ANKRD16: variants seen among roughly 807,000 people sequenced by gnomAD.
ANKRD16 encodes ankyrin repeat domain-containing protein 16.
ANKRD16 carries 35 observed loss-of-function variants against 37.9 expected under a neutral mutation model. That is an observed-to-expected ratio of 0.92 (90% confidence interval 0.71 to 1.23). The LOEUF (loss-of-function observed/expected upper bound fraction) is 1.23, where lower values mean the gene tolerates loss of function less well. Ranked by LOEUF, ANKRD16 falls within the 50% of genes most tolerant of loss-of-function variation. The pLI is 0.00. For missense variants in ANKRD16, 480 were observed against 469.9 expected (o/e 1.02, Z -0.20); for synonymous variants, 206 against 197.2 (o/e 1.04, Z -0.37).
At chr10:5,883,417 G>A (rs142144492) in intron 4 of ANKRD16, among the ~76,000 whole-genome samples, 1,523 of 152,230 alleles carry the variant, frequency 0.01, 14 homozygotes, top group Middle Eastern at 0.031. Flanking sequence ...TGGTTCAAGC[G>A]AGTCTCTTGC....
intron 5 of ANKRD16, 111 bp downstream of exon 5, chr10:5,882,895 G>T: frequency 2.6e-6 from 3 of 1,166,648 alleles, no homozygotes; most frequent in Non-Finnish European, 3.6e-6. Context: ...AATATCATGG[G>T]CAATTTCTTC....
chr10:5,885,483 G>C (rs764687436), intron 3 of ANKRD16, among the ~76,000 whole-genome samples: 2 of 152,132 alleles, frequency 1.3e-5, no homozygotes, highest in African/African-American at 2.4e-5. Context: ...AGCACTAAAT[G>C]AATGTATAAA....
At chr10:5,882,945 T>G in intron 5 of ANKRD16, 61 bp downstream of exon 5, 2 of 1,566,072 alleles carry the variant, frequency 1.3e-6, no homozygotes, top group Non-Finnish European at 1.7e-6. Context: ...GCAGAGCTAC[T>G]GATCAAAGAA....
In ANKRD16 at chr10:5,866,362, T is replaced by C. The variant is rs1842014182; in HGVS notation, c.*34-3671A>G. On this transcript the variant is annotated intron_variant, in intron 7 of 7. Coordinates refer to ENST00000380094, the MANE Select transcript of ANKRD16 (RefSeq NM_019046.3). This position sits in a 1 kb window ranked among gnomAD's most constrained non-coding sequence, Gnocchi z 4.3. The stretch of plus-strand genomic sequence containing the variant: ...CTATATACTGATGAAAGTTCATTTG[T>C]GGTGGAGAATTGGATACGAAGGGCA... Among the ~76,000 whole-genome samples, 1 of 152,196 alleles carries C rather than the reference T, an allele frequency of 6.6e-6. No homozygotes were observed. The highest frequency in any genetic ancestry group is 1.5e-5 in the Non-Finnish European group (1 of 68,040).
intron 7 of ANKRD16, among the ~76,000 whole-genome samples, chr10:5,872,687 G>A (rs1008607102): frequency 2.7e-5 from 4 of 150,434 alleles, no homozygotes; most frequent in South Asian, 2.1e-4. Flanking sequence ...CTCTCGAGTA[G>A]CTAGGACTAC....
rs573323232 is a variant in ANKRD16, at chr10:5,871,316, G to A, written c.*33+6781C>T. 2.0e-5 allele frequency among the ~76,000 whole-genome samples: 3 copies of A among 152,202 alleles called. No individual in the cohort carries two copies. The highest frequency in any genetic ancestry group is 7.2e-5 in the African/African-American group (3 of 41,524). On this transcript the variant is annotated intron_variant, in intron 7 of 7. Coordinates refer to ENST00000380094, the MANE Select transcript of ANKRD16 (RefSeq NM_019046.3). This position sits in a 1 kb window ranked among gnomAD's most constrained non-coding sequence, Gnocchi z 4.5. ...GCAGGAGAATCGCTTGAACCCGGGA[G>A]GCAGAGGTTGCTGTGAGCCGAGATT...
At position 5,862,493 on chromosome 10, in the gene ANKRD16, C is replaced by T. The variant is rs777712084; in HGVS notation, c.*232G>A. ...CAGCAACCATTTTTGGAGACAGACC[C>T]AGGGAGCTGACCTTGGGGGCCAGTG... On this transcript the variant is annotated 3_prime_UTR_variant, in exon 8 of 8. Coordinates refer to ENST00000380094, the MANE Select transcript of ANKRD16 (RefSeq NM_019046.3). This position sits in a 1 kb window ranked among gnomAD's most constrained non-coding sequence, Gnocchi z 6.5. The T allele has an allele frequency of 1.6e-5, 12 of 735,192 alleles. No homozygotes were observed. Among genetic ancestry groups the T allele is most frequent in the Admixed American group, 5.0e-5 (2 of 39,664 alleles). The allele number at this position is 735,192 out of a possible 1,614,324, so 45.5% of individuals were successfully genotyped here.
rs188525575 is a variant in ANKRD16, at chr10:5,867,075, T to A, written c.*34-4384A>T. ...AAAGCCAGGGTAAATTTAAAACCTATAATTGATAATTGAAGGTCTTCTCTG... is the reference window on the plus strand; with the variant it reads ...AAAGCCAGGGTAAATTTAAAACCTAAAATTGATAATTGAAGGTCTTCTCTG... On this transcript the variant is annotated intron_variant, in intron 7 of 7. Coordinates refer to ENST00000380094, the MANE Select transcript of ANKRD16 (RefSeq NM_019046.3). Among the ~76,000 whole-genome samples, 769 of 152,354 alleles carry A rather than the reference T, an allele frequency of 5.0e-3. 8 individuals carry two copies. Among genetic ancestry groups the A allele is most frequent in the African/African-American group, 0.018 (746 of 41,578 alleles).
chr10:5,872,768 A>C (rs10466293), intron 7 of ANKRD16, among the ~76,000 whole-genome samples: 54 of 151,420 alleles, frequency 3.6e-4, no homozygotes, highest in East Asian at 1.6e-3. Flanking sequence ...GTGTTAGCCA[A>C]GATGGTCTTA....
intron 5 of ANKRD16, among the ~76,000 whole-genome samples, chr10:5,881,517 TGCAGTG>T (rs1489183930): frequency 7.0e-6 from 1 of 141,940 alleles, no homozygotes; most frequent in Non-Finnish European, 1.5e-5. Flanking sequence ...TTGGCTGGGG[TGCAGTG>T]GCATGATCTT....
rs1842042475 is a variant in ANKRD16 at position 5,868,192 on chromosome 10, G to A, written c.*34-5501C>T. On this transcript the variant is annotated intron_variant, in intron 7 of 7. Coordinates refer to ENST00000380094, the MANE Select transcript of ANKRD16 (RefSeq NM_019046.3). The surrounding 1 kb of genome is among the most constrained non-coding windows in gnomAD (Gnocchi z 4.9). ...CTAGGATCGAGGCCATCAAGCTACA[G>A]ATGGTCTTACAAATGGAACCCCAAA... 6.6e-6 allele frequency among the ~76,000 whole-genome samples: 1 copy of A among 152,174 alleles called. No homozygotes were observed. The highest frequency in any genetic ancestry group is 1.5e-5 in the Non-Finnish European group (1 of 68,038).
At chr10:5,886,735 C>G (rs895625357) in intron 2 of ANKRD16, among the ~76,000 whole-genome samples, 5 of 152,224 alleles carry the variant, frequency 3.3e-5, no homozygotes, top group Non-Finnish European at 7.3e-5. Context: ...GACTCTTGAG[C>G]TCCTTAATAT....
intron 1 of ANKRD16, 50 bp from the exon 2 acceptor site, chr10:5,888,117 A>C: frequency 6.5e-7 from 1 of 1,545,632 alleles, no homozygotes; most frequent in East Asian, 2.3e-5. Context: ...GAGACATTAG[A>C]AGCCAGGGGC....
At chr10:5,875,316 T>C (rs1005020673) in intron 7 of ANKRD16, among the ~76,000 whole-genome samples, 2 of 152,202 alleles carry the variant, frequency 1.3e-5, no homozygotes, top group African/African-American at 4.8e-5. Flanking sequence ...AGGGCTTTTA[T>C]CGCCCATTCA....
chr10:5,870,285 T>C lies in ANKRD16; in HGVS notation c.*34-7594A>G, dbSNP rs1207395494. 1.3e-5 allele frequency among the ~76,000 whole-genome samples: 2 copies of C among 151,968 alleles called. No homozygotes were observed. The highest frequency in any genetic ancestry group is 3.9e-4 in the East Asian group (2 of 5,170). ...GGAGGCCCCCAGTGCACCTGCGCAGTGAGGTCAGCTTCGCAGGGGCCCCCA... is the reference window on the plus strand; with the variant it reads ...GGAGGCCCCCAGTGCACCTGCGCAGCGAGGTCAGCTTCGCAGGGGCCCCCA... On this transcript the variant is annotated intron_variant, in intron 7 of 7. Coordinates refer to ENST00000380094, the MANE Select transcript of ANKRD16 (RefSeq NM_019046.3). This position sits in a 1 kb window ranked among gnomAD's most constrained non-coding sequence, Gnocchi z 5.0.
rs1446923075 is a variant in ANKRD16 at position 5,883,116 on chromosome 10, C to T, written c.739G>A (p.Ala247Thr). 1 of 1,613,954 alleles carries T rather than the reference C, an allele frequency of 6.2e-7. No homozygotes were observed. The highest frequency in any genetic ancestry group is 2.2e-5 in the East Asian group (1 of 44,894). Residue 247 changes from alanine (A) to threonine (T), a missense_variant, in exon 5 of 8, where the codon GCT becomes ACT. Physicochemically the swap from Ala to Thr is moderately conservative, Grantham distance 58 (BLOSUM62 0). Transcript: ENST00000380094. The stretch of plus-strand genomic sequence containing the variant: ...ATGGCTTCGTCCTGCCCTGTGACAG[C>T]TGCCCTGTGCAGAGCCTGGGCACCC... ...SLGAQALHRA[A>T]VTGQDEAIRF... is the part of the protein sequence containing the mutation.
At position 5,879,307 on chromosome 10, in the gene ANKRD16, C is replaced by G. The variant is rs150151055; in HGVS notation, c.928+991G>C. ...TGGCCAACATGGTGAAACCCTGTCT[C>G]TACTAAAAATACAAAAATTAGCTGG... On this transcript the variant is annotated intron_variant, in intron 6 of 7. Coordinates refer to ENST00000380094, the MANE Select transcript of ANKRD16 (RefSeq NM_019046.3). Among the ~76,000 whole-genome samples the G allele has an allele frequency of 4.1e-3, 617 of 152,148 alleles. 6 individuals carry two copies. The highest frequency in any genetic ancestry group is 0.014 in the African/African-American group (588 of 41,496).
intron 2 of ANKRD16, among the ~76,000 whole-genome samples, chr10:5,886,780 C>T (rs543799384): frequency 1.4e-4 from 22 of 152,280 alleles, no homozygotes; most frequent in African/African-American, 5.3e-4. Flanking sequence ...TTACTTTTTA[C>T]TAATTGTTTT....
chr10:5,879,137 T>C (rs1842238530), intron 6 of ANKRD16, among the ~76,000 whole-genome samples: 1 of 152,008 alleles, frequency 6.6e-6, no homozygotes, highest in Admixed American at 6.6e-5. Flanking sequence ...TTTCCAGCCC[T>C]AGAGTGAGTA....
Sources: allele counts gnomAD v4.1 joint callset (sites outside exome capture counted in the v4.1 genomes callset), GRCh38; gene constraint gnomAD v4.1.1; non-coding constraint Gnocchi (gnomAD v3.1); transcripts MANE v1.5; gene names NCBI Gene and HGNC (gene_info 2026-07-23, HGNC 2026-07-21).